Variants in ZNF385D observed in about 807,000 individuals in gnomAD.
The protein encoded by ZNF385D is zinc finger protein 659.
ZNF385D carries 15 observed loss-of-function variants against 35.8 expected under a neutral mutation model. The ratio of observed to expected loss-of-function variants is 0.42; its 90% CI spans 0.28 to 0.64. The LOEUF (loss-of-function observed/expected upper bound fraction) is 0.64. Among genes scored for constraint, ZNF385D ranks in the 30% least tolerant of loss-of-function variants. The probability of loss-of-function intolerance (pLI) is 0.23; values close to 1 mark genes in which losing one functional copy is unlikely to be tolerated. For missense variants in ZNF385D, 474 were observed against 494.6 expected (o/e 0.96, Z 0.39); for synonymous variants, 212 against 186.8 (o/e 1.13, Z -1.10).
chr3:21,940,249 G>A (rs1349965897), intron 3 of ZNF385D, among the ~76,000 whole-genome samples: 1 of 152,076 alleles, frequency 6.6e-6, no homozygotes, highest in Non-Finnish European at 1.5e-5. Context: ...GTAATGTGAT[G>A]TAGCAAAAAA....
In ZNF385D at chr3:21,984,871, A is replaced by C. The variant is rs1389163568; in HGVS notation, c.325+183946T>G. 9.5e-5 allele frequency among the ~76,000 whole-genome samples: 13 copies of C among 136,976 alleles called. 1 individual carries two copies. The highest frequency in any genetic ancestry group is 3.1e-4 in the African/African-American group (12 of 39,236). 89.9% of individuals were successfully genotyped at this position (136,976 alleles called of 152,430 possible). A position where few individuals can be genotyped will look rare whatever the true frequency, so the allele number is the denominator to read the frequency against. ...CAGTGGTTTGTAGTTCTCCTTGAAG[A>C]GGTCCTTCACGTCCCTTGTAAGTTG... On this transcript the variant is annotated intron_variant, in intron 3 of 5. Coordinates refer to the ZNF385D transcript ENST00000494108.
At chr3:21,960,786 G>A (rs984552945) in intron 3 of ZNF385D, among the ~76,000 whole-genome samples, 1 of 152,048 alleles carries the variant, frequency 6.6e-6, no homozygotes, top group African/African-American at 2.4e-5. Flanking sequence ...ATCATTCACA[G>A]CATCCTGAAG....
chr3:22,275,705 A>G (rs943896678), intron 2 of ZNF385D, among the ~76,000 whole-genome samples: 3 of 152,174 alleles, frequency 2.0e-5, no homozygotes, highest in South Asian at 2.1e-4. Context: ...CCATATCCTT[A>G]TATCTGGTGA....
intron 2 of ZNF385D, among the ~76,000 whole-genome samples, chr3:22,372,296 G>A (rs531742575): frequency 6.6e-6 from 1 of 152,148 alleles, no homozygotes; most frequent in Non-Finnish European, 1.5e-5. Context: ...GTGGTCCAAG[G>A]TCTGGGCGGT....
At chr3:21,974,863 C>T (rs758374741) in intron 3 of ZNF385D, among the ~76,000 whole-genome samples, 1 of 152,098 alleles carries the variant, frequency 6.6e-6, no homozygotes, top group Non-Finnish European at 1.5e-5. Context: ...CCCACCTACA[C>T]TGAGATATCA....
At chr3:21,675,148 C>T (rs1006531681) in intron 1 of ZNF385D, among the ~76,000 whole-genome samples, 6 of 151,990 alleles carry the variant, frequency 3.9e-5, no homozygotes, top group East Asian at 1.9e-4. Context: ...AGGTGAGAAA[C>T]ATTTTATCAA....
At chr3:22,098,605 A>C (rs1701759610) in intron 3 of ZNF385D, among the ~76,000 whole-genome samples, 2 of 152,102 alleles carry the variant, frequency 1.3e-5, no homozygotes, top group African/African-American at 4.8e-5. Context: ...AATAGTCCAC[A>C]TTTGAAGTTC....
At chr3:21,859,197 A>G (rs988187571) in intron 3 of ZNF385D, among the ~76,000 whole-genome samples, 1 of 152,048 alleles carries the variant, frequency 6.6e-6, no homozygotes, top group Non-Finnish European at 1.5e-5. Flanking sequence ...ACAGCTCCTG[A>G]GCCTTTCTGC....
chr3:22,004,195 G>A (rs1576130548), intron 3 of ZNF385D, among the ~76,000 whole-genome samples: 1 of 152,010 alleles, frequency 6.6e-6, no homozygotes, highest in Admixed American at 6.6e-5. Context: ...TACATGTTGG[G>A]GATAGGATAC....
At chr3:21,726,752 T>C (rs1214397748) in intron 1 of ZNF385D, among the ~76,000 whole-genome samples, 4 of 152,150 alleles carry the variant, frequency 2.6e-5, no homozygotes. Flanking sequence ...CTGCCCGAAG[T>C]GGTTTATAGA....
chr3:22,193,309 A>C (rs1289508614), intron 2 of ZNF385D, among the ~76,000 whole-genome samples: 1 of 152,096 alleles, frequency 6.6e-6, no homozygotes, highest in Non-Finnish European at 1.5e-5. Flanking sequence ...TTGAGGCAGT[A>C]ATTTGAGCTT....
chr3:22,033,893 C>G (rs1210983175), intron 3 of ZNF385D, among the ~76,000 whole-genome samples: 2 of 152,142 alleles, frequency 1.3e-5, no homozygotes, highest in Admixed American at 6.5e-5. Context: ...ACCAATTCAT[C>G]CTACTTCACC....
intron 2 of ZNF385D, among the ~76,000 whole-genome samples, chr3:22,208,072 T>C (rs576076900): frequency 6.6e-6 from 1 of 152,150 alleles, no homozygotes; most frequent in African/African-American, 2.4e-5. Context: ...GCAATTCCAC[T>C]GCTGGGCATG....
chr3:21,795,388 A>G (rs2072104075), intron 3 of ZNF385D, among the ~76,000 whole-genome samples: 1 of 152,224 alleles, frequency 6.6e-6, no homozygotes, highest in Non-Finnish European at 1.5e-5. Context: ...CCACTGCCAG[A>G]CACTTGGCTG....
chr3:22,371,806 C>G (rs949427397), intron 2 of ZNF385D, among the ~76,000 whole-genome samples: 13 of 152,196 alleles, frequency 8.5e-5, no homozygotes, highest in African/African-American at 3.1e-4. Flanking sequence ...TACACTCAGC[C>G]TCCCAACCCC....
At chr3:22,130,312 G>C (rs1031915604) in intron 3 of ZNF385D, among the ~76,000 whole-genome samples, 3 of 152,120 alleles carry the variant, frequency 2.0e-5, no homozygotes, top group Non-Finnish European at 4.4e-5. Context: ...TATCTCACTA[G>C]GTCATATGTA....
chr3:21,876,671 T>A (rs1021788867), intron 3 of ZNF385D, among the ~76,000 whole-genome samples: 6 of 151,678 alleles, frequency 4.0e-5, no homozygotes, highest in Non-Finnish European at 7.4e-5. Flanking sequence ...AGTACAGGGG[T>A]TAGAACAAGT....
intron 3 of ZNF385D, among the ~76,000 whole-genome samples, chr3:22,046,205 G>T (rs77691317): frequency 0.011 from 1,688 of 152,136 alleles, 27 homozygotes; most frequent in African/African-American, 0.038. Context: ...TTCATACGGG[G>T]TTTCAATTCA....
intron 3 of ZNF385D, among the ~76,000 whole-genome samples, chr3:21,513,781 A>C (rs1237254425): frequency 6.6e-5 from 10 of 152,122 alleles, no homozygotes; most frequent in Admixed American, 6.5e-4. Context: ...TGTTTATAGA[A>C]TTTATTGGAC....
Sources: allele counts gnomAD v4.1 joint callset (sites outside exome capture counted in the v4.1 genomes callset), GRCh38; gene constraint gnomAD v4.1.1; transcripts MANE v1.5; gene names NCBI Gene and HGNC (gene_info 2026-07-23, HGNC 2026-07-21).